Variants in AGMO observed in about 807,000 individuals in gnomAD.
The protein encoded by AGMO is alkylglycerol monooxygenase, also known as glyceryl-ether monooxygenase.
Under a neutral mutation model 60.2 loss-of-function variants are expected in AGMO, and 75 were observed. The observed-to-expected ratio is 1.25, with a 90% CI of 1.03 to 1.51. AGMO has a LOEUF of 1.51. Ranked by LOEUF, AGMO falls within the 40% of genes most tolerant of loss-of-function variation. AGMO has a pLI of 0.00. For missense variants in AGMO, 763 were observed against 525.5 expected (o/e 1.45, Z -4.42); for synonymous variants, 261 against 177.1 (o/e 1.47, Z -3.76).
intron 12 of AGMO, chr7:15,358,513 AG>A (rs1323309039): frequency 1.5e-5 from 7 of 457,130 alleles, no homozygotes; most frequent in African/African-American, 8.1e-5. Flanking sequence ...GTGAATTAGG[AG>A]GGTAAGAATC....
intron 10 of AGMO, among the ~76,000 whole-genome samples, chr7:15,369,578 T>TC (rs574662775): frequency 1.0e-3 from 153 of 152,246 alleles, no homozygotes; most frequent in African/African-American, 3.4e-3. Flanking sequence ...CAAATACATG[T>TC]CCTTGTCCCT....
chr7:15,212,018 G>GA (rs111412312), intron 12 of AGMO, among the ~76,000 whole-genome samples: 2,305 of 152,022 alleles, frequency 0.015, 46 homozygotes, highest in African/African-American at 0.053. Context: ...AATGGAGGAA[G>GA]AAAGGTCAGA....
At chr7:15,281,437 C>T (rs994972080) in intron 12 of AGMO, among the ~76,000 whole-genome samples, 1 of 152,128 alleles carries the variant, frequency 6.6e-6, no homozygotes, top group African/African-American at 2.4e-5. Flanking sequence ...ACAAGGAGTA[C>T]AGTCACAATT....
intron 12 of AGMO, among the ~76,000 whole-genome samples, chr7:15,341,796 G>C (rs1781857079): frequency 6.6e-6 from 1 of 152,140 alleles, no homozygotes; most frequent in African/African-American, 2.4e-5. Flanking sequence ...AGAAGGCAAA[G>C]GAGGAGCAAA....
intron 12 of AGMO, among the ~76,000 whole-genome samples, chr7:15,362,458 A>C (rs992781509): frequency 1.3e-5 from 2 of 152,216 alleles, no homozygotes; most frequent in Admixed American, 1.3e-4. Flanking sequence ...TAACACTCTA[A>C]TAATGGTAAT....
In AGMO at chr7:15,561,880, T is replaced by A. The variant is rs1044413137; in HGVS notation, c.-35A>T. 16 of 1,572,660 alleles carry A rather than the reference T, an allele frequency of 1.0e-5. No individual in the cohort carries two copies. The African/African-American group carries it at 1.9e-4, about 19-fold the overall frequency. ...TGTCTGATTCCCAGCTGGAGAATAT[T>A]TAGGATTCAATGCTTGAAGCCTGAG... On this transcript the variant is annotated 5_prime_UTR_variant, in exon 1 of 13. Coordinates refer to ENST00000342526, the MANE Select transcript of AGMO (RefSeq NM_001004320.2).
At chr7:15,335,923 T>C (rs1781644877) in intron 12 of AGMO, among the ~76,000 whole-genome samples, 1 of 152,160 alleles carries the variant, frequency 6.6e-6, no homozygotes, top group Non-Finnish European at 1.5e-5. Context: ...TGTTTAAAAC[T>C]AATCCAGAGA....
chr7:15,339,381 ACT>A (rs1583425769), intron 12 of AGMO, among the ~76,000 whole-genome samples: 1 of 152,204 alleles, frequency 6.6e-6, no homozygotes, highest in African/African-American at 2.4e-5. Flanking sequence ...TGTAATTAAC[ACT>A]GAGTTATTTG....
chr7:15,545,793 T>A (rs569539635), intron 2 of AGMO, among the ~76,000 whole-genome samples: 52 of 151,994 alleles, frequency 3.4e-4, no homozygotes, highest in Non-Finnish European at 7.4e-4. Context: ...ATGATCAAAT[T>A]TAAGATTAGC....
chr7:15,298,164 C>G (rs1784457394), intron 12 of AGMO, among the ~76,000 whole-genome samples: 1 of 151,664 alleles, frequency 6.6e-6, no homozygotes, highest in South Asian at 2.1e-4. Flanking sequence ...TTGTGTATAA[C>G]AAGCATCATA....
At chr7:15,361,362 AC>A (rs1329746966) in intron 12 of AGMO, among the ~76,000 whole-genome samples, 1 of 151,666 alleles carries the variant, frequency 6.6e-6, no homozygotes, top group African/African-American at 2.4e-5. Flanking sequence ...ACATGGTGAA[AC>A]CCCATCTCTA....
chr7:15,302,828 G>A (rs1316874734), intron 12 of AGMO, among the ~76,000 whole-genome samples: 1 of 152,110 alleles, frequency 6.6e-6, no homozygotes, highest in South Asian at 2.1e-4. Flanking sequence ...CTAGAGTTAA[G>A]CTTCATAAAG....
chr7:15,397,482 C>G (rs940791857), intron 5 of AGMO, among the ~76,000 whole-genome samples: 25 of 152,136 alleles, frequency 1.6e-4, no homozygotes, highest in Non-Finnish European at 2.1e-4. Flanking sequence ...AAGGGCTCCT[C>G]GAGCGCGGCC....
intron 12 of AGMO, among the ~76,000 whole-genome samples, chr7:15,261,689 C>T (rs568077205): frequency 6.6e-6 from 1 of 151,592 alleles, no homozygotes; most frequent in East Asian, 1.9e-4. Context: ...CAAGAAAGGA[C>T]ATAACAAAAA....
At chr7:15,461,759 T>C (rs1004966395) in intron 3 of AGMO, among the ~76,000 whole-genome samples, 2 of 152,016 alleles carry the variant, frequency 1.3e-5, no homozygotes, top group Admixed American at 1.3e-4. Flanking sequence ...GCAGAGTCTT[T>C]GGGGGGCTGA....
chr7:15,212,677 C>T (rs1781628427), intron 12 of AGMO, among the ~76,000 whole-genome samples: 1 of 151,916 alleles, frequency 6.6e-6, no homozygotes, highest in Non-Finnish European at 1.5e-5. Flanking sequence ...AGCGATGAAT[C>T]ATCTTCATCT....
chr7:15,466,009 C>A (rs959243016), intron 3 of AGMO, among the ~76,000 whole-genome samples: 1 of 152,040 alleles, frequency 6.6e-6, no homozygotes, highest in Non-Finnish European at 1.5e-5. Flanking sequence ...AATATGTTAG[C>A]AATACTTCTT....
intron 12 of AGMO, among the ~76,000 whole-genome samples, chr7:15,341,805 A>C (rs1781857433): frequency 6.6e-6 from 1 of 152,122 alleles, no homozygotes; most frequent in Non-Finnish European, 1.5e-5. Flanking sequence ...AGGAGGAGCA[A>C]AGGCATGTCT....
chr7:15,118,871 TCAG>T, the AGMO span, among the ~76,000 whole-genome samples: 1 of 142,904 alleles, frequency 7.0e-6, no homozygotes, highest in Non-Finnish European at 1.5e-5. Context: ...TTCCCAGACG[TCAG>T]TATTTTTTTT....
Sources: allele counts gnomAD v4.1 joint callset (sites outside exome capture counted in the v4.1 genomes callset), GRCh38; gene constraint gnomAD v4.1.1; transcripts MANE v1.5; gene names NCBI Gene and HGNC (gene_info 2026-07-23, HGNC 2026-07-21).